The following SIL1 variants were observed in gnomAD, a reference collection of about 807,000 sequenced individuals.
SIL1 encodes SIL1 nucleotide exchange factor.
Under a neutral mutation model 49.1 loss-of-function variants are expected in SIL1, and 40 were observed. The observed-to-expected ratio is 0.81, with a 90% CI of 0.63 to 1.06. The LOEUF is 1.06. Ranked by LOEUF, SIL1 falls within the 50% of genes least tolerant of loss-of-function variation. The probability of loss-of-function intolerance (pLI) is 0.00; values close to 1 mark genes in which losing one functional copy is unlikely to be tolerated. For missense variants in SIL1, 500 were observed against 572.6 expected (o/e 0.87, Z 1.29); for synonymous variants, 253 against 250.8 (o/e 1.01, Z -0.08).
intron 3 of SIL1, among the ~76,000 whole-genome samples, chr5:139,084,051 G>A (rs1770153752): frequency 7.0e-6 from 1 of 142,668 alleles, no homozygotes; most frequent in African/African-American, 2.6e-5. Flanking sequence ...TCTCTGTTTT[G>A]GTACCAGTAC....
intron 6 of SIL1, 142 bp from the exon 7 acceptor site, chr5:139,021,434 T>C: frequency 7.5e-7 from 1 of 1,341,084 alleles, no homozygotes; most frequent in Non-Finnish European, 1.0e-6. Flanking sequence ...TAAGAAAAGG[T>C]TTGTAAAAAC....
At chr5:138,959,460 G>A (rs912567698) in intron 7 of SIL1, among the ~76,000 whole-genome samples, 1 of 152,194 alleles carries the variant, frequency 6.6e-6, no homozygotes, top group African/African-American at 2.4e-5. Context: ...ATACTGAGCT[G>A]AAATCTGCTC....
At chr5:139,054,856 A>AAC (rs1011417814) in intron 3 of SIL1, among the ~76,000 whole-genome samples, 76 of 152,290 alleles carry the variant, frequency 5.0e-4, no homozygotes, top group African/African-American at 1.8e-3. Context: ...AAATATACTA[A>AAC]ACACGTCATG....
chr5:139,181,254 CAT>C (rs895498584), intron 1 of SIL1, among the ~76,000 whole-genome samples: 7 of 152,118 alleles, frequency 4.6e-5, no homozygotes, highest in Non-Finnish European at 8.8e-5. Flanking sequence ...CAGTGGGAAA[CAT>C]GGCTCATCTG....
At chr5:139,084,094 T>G (rs1282276024) in intron 3 of SIL1, among the ~76,000 whole-genome samples, 1 of 150,422 alleles carries the variant, frequency 6.6e-6, no homozygotes, top group African/African-American at 2.5e-5. Flanking sequence ...CCTTGTAGTA[T>G]AGTTTGAAGT....
At chr5:139,051,155 T>C in intron 3 of SIL1, 109 bp from the exon 4 acceptor site, 1 of 929,740 alleles carries the variant, frequency 1.1e-6, no homozygotes, top group Middle Eastern at 2.4e-4. Flanking sequence ...ACGACTCAGC[T>C]GTGTTCAGTT....
chr5:139,051,023 G>A lies in SIL1; in HGVS notation c.268C>T (p.His90Tyr). 6.2e-7 allele frequency: 1 copy of A among 1,614,118 alleles called. No individual in the cohort carries two copies. Among genetic ancestry groups the A allele is most frequent in the Non-Finnish European group, 8.5e-7 (1 of 1,180,018 alleles). Residue 90 changes from histidine (H) to tyrosine (Y), a missense_variant, in exon 4 of 10, where the codon CAC becomes TAC. By Grantham distance (83) the His-to-Tyr change is moderately conservative. Transcript: ENST00000394817. ...QPGQAVPAGS[H>Y]VRLNLQTGER... ...CCAGTCTGAAGATTCAGCCGTACGT[G>A]GGATCCTGCAGGGACAGCCTGCCCT...
At chr5:139,069,175 C>A (rs1422720146) in intron 3 of SIL1, among the ~76,000 whole-genome samples, 1 of 152,086 alleles carries the variant, frequency 6.6e-6, no homozygotes, top group Non-Finnish European at 1.5e-5. Flanking sequence ...GCAGTCCCAG[C>A]TACTTGGGAG....
chr5:139,131,951 G>C (rs1394242193), intron 1 of SIL1, among the ~76,000 whole-genome samples: 2 of 152,078 alleles, frequency 1.3e-5, no homozygotes, highest in Non-Finnish European at 2.9e-5. Context: ...AATAGAAGTG[G>C]GGGACTCACA....
intron 7 of SIL1, among the ~76,000 whole-genome samples, chr5:139,001,813 G>A (rs1767989350): frequency 6.6e-6 from 1 of 152,136 alleles, no homozygotes; most frequent in African/African-American, 2.4e-5. Context: ...GCTGAGGCAG[G>A]AGAATGGTGT....
intron 5 of SIL1, chr5:139,035,209 G>A (rs1768875574): frequency 1.2e-5 from 5 of 424,606 alleles, no homozygotes; most frequent in South Asian, 8.2e-5. Flanking sequence ...ATGAGGTGAC[G>A]GCCATCAACA....
intron 3 of SIL1, among the ~76,000 whole-genome samples, chr5:139,056,305 G>A (rs1769421498): frequency 6.6e-6 from 1 of 151,136 alleles, no homozygotes; most frequent in Non-Finnish European, 1.5e-5. Context: ...GAGATGTGGG[G>A]AGCGCCTCTG....
At chr5:138,979,168 G>A (rs1767459199) in intron 7 of SIL1, among the ~76,000 whole-genome samples, 1 of 151,918 alleles carries the variant, frequency 6.6e-6, no homozygotes, top group African/African-American at 2.4e-5. Context: ...GGGTTCAAGC[G>A]ATTCTCCTGC....
intron 3 of SIL1, among the ~76,000 whole-genome samples, chr5:139,058,227 C>A (rs1026491074): frequency 6.6e-6 from 1 of 151,772 alleles, no homozygotes; most frequent in Non-Finnish European, 1.5e-5. Flanking sequence ...TCCATAGAAA[C>A]CGTAGATTAA....
At chr5:138,975,809 G>A (rs191248266) in intron 7 of SIL1, among the ~76,000 whole-genome samples, 1 of 152,306 alleles carries the variant, frequency 6.6e-6, no homozygotes, top group Non-Finnish European at 1.5e-5. Flanking sequence ...ACCAACAACT[G>A]GCACCAACCA....
chr5:138,969,519 C>G (rs1465090998), intron 7 of SIL1, among the ~76,000 whole-genome samples: 1 of 152,210 alleles, frequency 6.6e-6, no homozygotes, highest in African/African-American at 2.4e-5. Flanking sequence ...TGCAATAATA[C>G]TCCACGCTCC....
At chr5:139,061,450 G>A (rs1010741121) in intron 3 of SIL1, among the ~76,000 whole-genome samples, 6 of 152,260 alleles carry the variant, frequency 3.9e-5, no homozygotes, top group Non-Finnish European at 5.9e-5. Flanking sequence ...CACAATGGCA[G>A]AAAGCCAGAG....
At chr5:139,167,761 A>C (rs1182237269) in intron 1 of SIL1, among the ~76,000 whole-genome samples, 1 of 152,250 alleles carries the variant, frequency 6.6e-6, no homozygotes, top group Non-Finnish European at 1.5e-5. Context: ...ATATTCACTG[A>C]CCACTTACTC....
chr5:139,146,388 C>A (rs1178774159), intron 1 of SIL1, among the ~76,000 whole-genome samples: 1 of 152,144 alleles, frequency 6.6e-6, no homozygotes, highest in Admixed American at 6.5e-5. Flanking sequence ...GAGACCCTGT[C>A]TCTACAAAAA....
Sources: allele counts gnomAD v4.1 joint callset (sites outside exome capture counted in the v4.1 genomes callset), GRCh38; gene constraint gnomAD v4.1.1; transcripts MANE v1.5; gene names NCBI Gene and HGNC (gene_info 2026-07-23, HGNC 2026-07-21).